GAP43: variants seen among roughly 807,000 people sequenced by gnomAD.
The protein encoded by GAP43 is growth associated protein 43, also known as neuromodulin.
A neutral mutation model predicts 18.6 loss-of-function variants in GAP43; 6 were observed. The observed-to-expected ratio is 0.32, with a 90% CI of 0.18 to 0.64. The LOEUF (loss-of-function observed/expected upper bound fraction) is 0.64, where lower values mean the gene tolerates loss of function less well. GAP43 is among the 30% of genes least tolerant of loss of function. The probability of loss-of-function intolerance (pLI) is 0.78; values close to 1 mark genes in which losing one functional copy is unlikely to be tolerated. For missense variants in GAP43, 292 were observed against 295.5 expected (o/e 0.99, Z 0.09); for synonymous variants, 115 against 111.4 (o/e 1.03, Z -0.20).
chr3:115,680,416 C>T (rs1708947126), intron 2 of GAP43, among the ~76,000 whole-genome samples: 1 of 152,092 alleles, frequency 6.6e-6, no homozygotes, highest in South Asian at 2.1e-4. Context: ...TTATTGTGTG[C>T]CATTGTACTC....
At chr3:115,670,655 A>C (rs993361454) in intron 1 of GAP43, among the ~76,000 whole-genome samples, 3 of 152,216 alleles carry the variant, frequency 2.0e-5, no homozygotes, top group Admixed American at 1.3e-4. Flanking sequence ...AATAGAGTGA[A>C]ATTTTGTTAT....
At chr3:115,690,844 C>G (rs911058357) in intron 2 of GAP43, among the ~76,000 whole-genome samples, 1 of 148,684 alleles carries the variant, frequency 6.7e-6, no homozygotes, top group Admixed American at 6.8e-5. Context: ...CAAGCTCCGT[C>G]TCCCAGGTTC....
intron 1 of GAP43, among the ~76,000 whole-genome samples, chr3:115,675,278 C>T (rs1214600222): frequency 6.6e-6 from 1 of 152,044 alleles, no homozygotes; most frequent in African/African-American, 2.4e-5. Flanking sequence ...CACTATGTTG[C>T]CAGGGATGGT....
intron 1 of GAP43, among the ~76,000 whole-genome samples, chr3:115,626,873 G>A (rs1183428963): frequency 6.6e-6 from 1 of 152,062 alleles, no homozygotes; most frequent in Non-Finnish European, 1.5e-5. Flanking sequence ...TCCTTGCAGT[G>A]TTGGGAAGGT....
chr3:115,699,949 G>C (rs1355912445), intron 2 of GAP43, among the ~76,000 whole-genome samples: 3 of 152,114 alleles, frequency 2.0e-5, no homozygotes, highest in East Asian at 1.9e-4. Context: ...GGAATTACAT[G>C]CCTGTAGTAT....
chr3:115,705,430 A>G (rs943855641), intron 2 of GAP43, among the ~76,000 whole-genome samples: 9 of 152,220 alleles, frequency 5.9e-5, no homozygotes, highest in Non-Finnish European at 8.8e-5. Context: ...AATAAGGAAT[A>G]TTAACTCATC....
chr3:115,647,994 C>CT (rs1275963141), intron 1 of GAP43, among the ~76,000 whole-genome samples: 2 of 152,042 alleles, frequency 1.3e-5, no homozygotes, highest in Non-Finnish European at 2.9e-5. Flanking sequence ...GAATTGCAGA[C>CT]TTTTTGAAGA....
intron 2 of GAP43, among the ~76,000 whole-genome samples, chr3:115,716,759 T>TATATATATAC (rs1559809152): frequency 1.0e-4 from 11 of 107,708 alleles, no homozygotes; most frequent in African/African-American, 2.5e-4. Context: ...TATATATATA[T>TATATATATAC]ATATATATAC....
intron 1 of GAP43, among the ~76,000 whole-genome samples, chr3:115,634,657 C>T (rs1418379820): frequency 1.3e-5 from 2 of 152,028 alleles, no homozygotes; most frequent in African/African-American, 4.8e-5. Flanking sequence ...GTAGTCCCAA[C>T]TACTCTGAAG....
Position 115,716,729 on chromosome 3 carries a change from T to TAC in GAP43, c.629-4064_629-4063insCA, listed in dbSNP as rs1257507276. ...TTAATCTCAGACAAATATATATATA[T>TAC]ATATATATATATATATATATATATA... On this transcript the variant is annotated intron_variant, in intron 2 of 2. Coordinates refer to ENST00000305124, the MANE Select transcript of GAP43 (RefSeq NM_002045.4). Among the ~76,000 whole-genome samples the TAC allele has an allele frequency of 1.1e-4, 9 of 81,032 alleles. 1 individual carries two copies. The highest frequency in any genetic ancestry group is 6.7e-4 in the African/African-American group (9 of 13,506). 53.2% of individuals were successfully genotyped at this position (81,032 alleles called of 152,430 possible). A position where few individuals can be genotyped will look rare whatever the true frequency, so the allele number is the denominator to read the frequency against.
intron 1 of GAP43, among the ~76,000 whole-genome samples, chr3:115,657,555 C>T (rs1367802494): frequency 6.6e-6 from 1 of 152,144 alleles, no homozygotes; most frequent in African/African-American, 2.4e-5. Context: ...GGTCACTGCC[C>T]TTAATCAACT....
At chr3:115,707,811 A>G (rs1322383534) in intron 2 of GAP43, among the ~76,000 whole-genome samples, 1 of 152,178 alleles carries the variant, frequency 6.6e-6, no homozygotes, top group Non-Finnish European at 1.5e-5. Flanking sequence ...TATGAAACAG[A>G]ATAGCATTGG....
At chr3:115,652,383 TTTG>T (rs1708530755) in intron 1 of GAP43, among the ~76,000 whole-genome samples, 5 of 135,182 alleles carry the variant, frequency 3.7e-5, no homozygotes, top group African/African-American at 5.9e-5. Context: ...TTTTTTTTTT[TTTG>T]TGATAGAGTC....
intron 2 of GAP43, among the ~76,000 whole-genome samples, chr3:115,699,263 T>TAACA (rs933147369): frequency 2.0e-5 from 3 of 152,310 alleles, no homozygotes; most frequent in African/African-American, 4.8e-5. Flanking sequence ...TGAGAAACAG[T>TAACA]AACAGGGTTA....
chr3:115,626,270 G>A (rs1479170385), intron 1 of GAP43, among the ~76,000 whole-genome samples: 1 of 152,160 alleles, frequency 6.6e-6, no homozygotes, highest in Non-Finnish European at 1.5e-5. Flanking sequence ...AAAGGTCTAA[G>A]CTCTGCCACA....
chr3:115,635,410 A>G (rs1230004460), intron 1 of GAP43, among the ~76,000 whole-genome samples: 1 of 152,154 alleles, frequency 6.6e-6, no homozygotes, highest in Non-Finnish European at 1.5e-5. Context: ...CCTAAGGACA[A>G]GAGTTCCTTG....
chr3:115,628,599 T>C (rs975556204), intron 1 of GAP43, among the ~76,000 whole-genome samples: 11 of 152,180 alleles, frequency 7.2e-5, no homozygotes, highest in Non-Finnish European at 1.6e-4. Context: ...TGGCATTTTG[T>C]GTTGTTGTCA....
chr3:115,640,634 A>G (rs1708383422), intron 1 of GAP43, among the ~76,000 whole-genome samples: 1 of 152,088 alleles, frequency 6.6e-6, no homozygotes, highest in Non-Finnish European at 1.5e-5. Flanking sequence ...ATTGCCAGTA[A>G]TTATACGACA....
At chr3:115,667,896 AG>A (rs1708753879) in intron 1 of GAP43, among the ~76,000 whole-genome samples, 1 of 152,210 alleles carries the variant, frequency 6.6e-6, no homozygotes, top group Admixed American at 6.5e-5. Flanking sequence ...CCTAGCTCAC[AG>A]TGGCTGCTAA....
Sources: allele counts gnomAD v4.1 joint callset (sites outside exome capture counted in the v4.1 genomes callset), GRCh38; gene constraint gnomAD v4.1.1; transcripts MANE v1.5; gene names NCBI Gene and HGNC (gene_info 2026-07-23, HGNC 2026-07-21).